Variants in PTPRD observed in about 807,000 individuals in gnomAD.
PTPRD encodes the protein receptor-type tyrosine-protein phosphatase delta.
A neutral mutation model predicts 214.5 loss-of-function variants in PTPRD; 34 were observed. The observed-to-expected ratio is 0.16, with a 90% CI of 0.12 to 0.21. The LOEUF (loss-of-function observed/expected upper bound fraction) is 0.21. Among genes scored for constraint, PTPRD ranks in the 10% least tolerant of loss-of-function variants. The pLI is 1.00. For synonymous variants in PTPRD, 1,128 were observed against 845.7 expected, an observed-to-expected ratio of 1.33 and a Z score of -5.79; for missense variants, 2,545 against 2,398.7, an observed-to-expected ratio of 1.06 and a Z score of -1.27.
At chr9:10,081,899 A>G (rs921627973) in intron 3 of PTPRD, among the ~76,000 whole-genome samples, 4 of 152,048 alleles carry the variant, frequency 2.6e-5, no homozygotes, top group African/African-American at 9.7e-5. Context: ...CTCTCATCTG[A>G]TCATTTACAG....
At chr9:8,485,553 A>T (rs1386755976) in intron 28 of PTPRD, 21 of 626,104 alleles carry the variant, frequency 3.4e-5, no homozygotes, top group Middle Eastern at 4.3e-4. Context: ...ACCTGAGGAC[A>T]TTGGGGTGCT....
At chr9:8,768,030 A>C (rs1401562219) in intron 11 of PTPRD, among the ~76,000 whole-genome samples, 2 of 152,244 alleles carry the variant, frequency 1.3e-5, no homozygotes, top group African/African-American at 4.8e-5. Context: ...ATATTTCACC[A>C]ATTTCTCAAA....
intron 8 of PTPRD, among the ~76,000 whole-genome samples, chr9:9,448,572 T>C (rs925749483): frequency 5.3e-5 from 8 of 152,086 alleles, no homozygotes; most frequent in African/African-American, 1.7e-4. Flanking sequence ...CTTTCCTTCA[T>C]AAATAACCCA....
At chr9:10,308,947 T>C (rs2096179492) in intron 3 of PTPRD, among the ~76,000 whole-genome samples, 1 of 152,064 alleles carries the variant, frequency 6.6e-6, no homozygotes, top group South Asian at 2.1e-4. Context: ...AATTATTACA[T>C]ACTTGTGTGA....
At chr9:9,205,031 T>G (rs2099944012) in intron 9 of PTPRD, among the ~76,000 whole-genome samples, 1 of 152,100 alleles carries the variant, frequency 6.6e-6, no homozygotes, top group South Asian at 2.1e-4. Flanking sequence ...TCTCTAGGGG[T>G]GGCAATTTAA....
intron 9 of PTPRD, among the ~76,000 whole-genome samples, chr9:9,379,657 A>G (rs1272974250): frequency 6.6e-6 from 1 of 152,032 alleles, no homozygotes; most frequent in Non-Finnish European, 1.5e-5. Flanking sequence ...ATATCTTCCT[A>G]TCCATGGACA....
chr9:10,100,715 T>C (rs1040059388), intron 3 of PTPRD, among the ~76,000 whole-genome samples: 1 of 151,644 alleles, frequency 6.6e-6, no homozygotes, highest in South Asian at 2.1e-4. Flanking sequence ...AGAATGAATA[T>C]ATATTGAGCA....
intron 12 of PTPRD, among the ~76,000 whole-genome samples, chr9:8,702,611 T>G (rs1298743488): frequency 6.6e-6 from 1 of 151,874 alleles, no homozygotes; most frequent in Non-Finnish European, 1.5e-5. Context: ...ATATAAGAGG[T>G]GCAATTTTTT....
intron 10 of PTPRD, among the ~76,000 whole-genome samples, chr9:9,084,277 T>G (rs573594408): frequency 6.6e-6 from 1 of 152,172 alleles, no homozygotes; most frequent in South Asian, 2.1e-4. Flanking sequence ...CTAGAAACCA[T>G]CATTCTCAGC....
At chr9:8,370,239 T>G (rs62534004) in intron 39 of PTPRD, among the ~76,000 whole-genome samples, 1 of 49,498 alleles carries the variant, frequency 2.0e-5, no homozygotes, top group African/African-American at 3.6e-5. Context: ...CACACACACA[T>G]ATATATATAT....
intron 8 of PTPRD, among the ~76,000 whole-genome samples, chr9:9,406,962 G>C (rs577639272): frequency 6.3e-4 from 96 of 151,546 alleles, no homozygotes; most frequent in African/African-American, 2.1e-3. Context: ...ATTTGAATTA[G>C]GAGTTTGCCA....
At chr9:9,003,573 TAA>T in intron 11 of PTPRD, among the ~76,000 whole-genome samples, 2 of 152,076 alleles carry the variant, frequency 1.3e-5, no homozygotes, top group African/African-American at 4.8e-5. Flanking sequence ...TTGGATGTCC[TAA>T]TTTAATGCCA....
At chr9:10,469,482 C>G (rs961891272) in intron 2 of PTPRD, among the ~76,000 whole-genome samples, 10 of 152,096 alleles carry the variant, frequency 6.6e-5, no homozygotes, top group South Asian at 4.2e-4. Flanking sequence ...AGATTCAGTG[C>G]AATTTCAGTC....
chr9:10,489,998 C>A (rs769168546), intron 2 of PTPRD, among the ~76,000 whole-genome samples: 1 of 152,044 alleles, frequency 6.6e-6, no homozygotes, highest in Non-Finnish European at 1.5e-5. Flanking sequence ...CTTATGAAGG[C>A]GCATTGTTTT....
intron 10 of PTPRD, among the ~76,000 whole-genome samples, chr9:9,111,679 A>G (rs1360767089): frequency 1.3e-5 from 2 of 152,204 alleles, no homozygotes; most frequent in African/African-American, 4.8e-5. Flanking sequence ...AAATGTTTTC[A>G]GAGGCAAATT....
At chr9:9,618,966 A>G (rs145789030) in intron 7 of PTPRD, among the ~76,000 whole-genome samples, 57 of 152,292 alleles carry the variant, frequency 3.7e-4, no homozygotes, top group Non-Finnish European at 6.2e-4. Flanking sequence ...AAAGCAGAAG[A>G]GAGTAGAGTC....
intron 11 of PTPRD, among the ~76,000 whole-genome samples, chr9:8,821,667 A>C (rs551374598): frequency 3.9e-5 from 6 of 152,228 alleles, no homozygotes; most frequent in Admixed American, 2.0e-4. Flanking sequence ...CCATCCAATA[A>C]GTTCCTTCAA....
rs778219193 is a variant in PTPRD, at chr9:8,521,279, T to C, written c.959A>G (p.Lys320Arg). 9 of 1,611,252 alleles carry C rather than the reference T, an allele frequency of 5.6e-6. No individual in the cohort carries two copies. Among genetic ancestry groups the C allele is most frequent in the South Asian group, 5.5e-5 (5 of 90,672 alleles). ...AAAGCATAATCCATTGAGCATACCT[T>C]TGACAGTGATCTGTGCTATTGCTTC... ...VIEAIAQITV[K>R]ALPKPPGTPV... The change falls in exon 20 of 46, where the codon AAA (lysine) becomes AGA (arginine). Residue 320 changes from lysine (K) to arginine (R), a missense_variant and splice_region_variant. Lys to Arg is a conservative substitution (Grantham distance 26, BLOSUM62 2). Coordinates refer to ENST00000381196, the MANE Select transcript of PTPRD (RefSeq NM_002839.4).
At chr9:10,483,666 A>G (rs1315698665) in intron 2 of PTPRD, among the ~76,000 whole-genome samples, 3 of 152,000 alleles carry the variant, frequency 2.0e-5, no homozygotes, top group Non-Finnish European at 4.4e-5. Context: ...CAAACATATG[A>G]AAAAAAAGCA....
Sources: allele counts gnomAD v4.1 joint callset (sites outside exome capture counted in the v4.1 genomes callset), GRCh38; gene constraint gnomAD v4.1.1; transcripts MANE v1.5; gene names NCBI Gene and HGNC (gene_info 2026-07-23, HGNC 2026-07-21).